Variants in ROBO2 observed in about 807,000 individuals in gnomAD.
ROBO2 encodes the protein roundabout homolog 2.
ROBO2 carries 53 observed loss-of-function variants against 160.8 expected under a neutral mutation model. The observed-to-expected ratio is 0.33, with a 90% CI of 0.26 to 0.41. The LOEUF (loss-of-function observed/expected upper bound fraction) is 0.41. Ranked by LOEUF, ROBO2 falls within the 10% of genes least tolerant of loss-of-function variation. The pLI, the probability that ROBO2 is intolerant of heterozygous loss-of-function variation, is 1.00. For missense variants in ROBO2, 1,577 were observed against 1,722.4 expected (o/e 0.92, Z 1.49); for synonymous variants, 664 against 611.7 (o/e 1.09, Z -1.26).
intron 2 of ROBO2, among the ~76,000 whole-genome samples, chr3:76,632,413 T>C (rs2090083672): frequency 6.6e-6 from 1 of 152,188 alleles, no homozygotes; most frequent in African/African-American, 2.4e-5. Flanking sequence ...TACCTGTTAA[T>C]GCATTTATCT....
chr3:76,027,461 A>G (rs2066782928), intron 2 of ROBO2, among the ~76,000 whole-genome samples: 1 of 151,846 alleles, frequency 6.6e-6, no homozygotes, highest in Non-Finnish European at 1.5e-5. Context: ...GGAAGTGAGC[A>G]AAAGGGGGCT....
Position 76,221,801 on chromosome 3 carries a change from A to G in ROBO2, c.109+284199A>G, listed in dbSNP as rs1443883655. On this transcript the variant is annotated intron_variant, in intron 2 of 26. Coordinates refer to the ROBO2 transcript ENST00000487694. ...GTTCCTTGATCAGAAGCAATGCTGT[A>G]TTTAATACTGTGCCTGTGGATAAGA... Among the ~76,000 whole-genome samples the G allele has an allele frequency of 3.2e-4, 48 of 152,070 alleles. 1 individual carries two copies. Among genetic ancestry groups the G allele is most frequent in the Admixed American group, 3.1e-3 (48 of 15,264 alleles).
intron 2 of ROBO2, among the ~76,000 whole-genome samples, chr3:76,184,484 G>T (rs2107126548): frequency 6.6e-6 from 1 of 152,104 alleles, no homozygotes; most frequent in African/African-American, 2.4e-5. Flanking sequence ...GGGAGAAGAT[G>T]CAAAACACAT....
intron 2 of ROBO2, among the ~76,000 whole-genome samples, chr3:76,494,574 T>G (rs2080033236): frequency 6.6e-6 from 1 of 152,156 alleles, no homozygotes; most frequent in Non-Finnish European, 1.5e-5. Context: ...CATTGTGGTA[T>G]AGGGAGGAGA....
intron 2 of ROBO2, among the ~76,000 whole-genome samples, chr3:75,942,237 A>G (rs1948091374): frequency 6.6e-6 from 1 of 152,140 alleles, no homozygotes; most frequent in Admixed American, 6.6e-5. Context: ...AAAAACCTTA[A>G]TGCTACCTAG....
At chr3:77,033,229 G>A (rs554352250) in intron 2 of ROBO2, among the ~76,000 whole-genome samples, 28 of 152,252 alleles carry the variant, frequency 1.8e-4, no homozygotes. Flanking sequence ...CCTTATTTAG[G>A]AAGCCATTCA....
intron 2 of ROBO2, among the ~76,000 whole-genome samples, chr3:76,266,005 A>T (rs1707079264): frequency 6.6e-6 from 1 of 152,196 alleles, no homozygotes; most frequent in Non-Finnish European, 1.5e-5. Flanking sequence ...AGAAAACTAA[A>T]TATAAGATGC....
chr3:76,513,497 A>G lies in ROBO2; in HGVS notation c.109+575895A>G, dbSNP rs1363706084. ...TCAGCCCCCTGAGCAGCTGGTCTAC[A>G]GGCTCACACCACCACGCCTGGCGTG... On this transcript the variant is annotated intron_variant, in intron 2 of 26. Transcript: ENST00000487694. Among the ~76,000 whole-genome samples the G allele has an allele frequency of 3.3e-5, 5 of 152,236 alleles. No individual in the cohort carries two copies. The East Asian group carries it at 9.7e-4, about 30-fold the overall frequency.
chr3:76,976,621 C>A (rs894145702), intron 2 of ROBO2, among the ~76,000 whole-genome samples: 1 of 152,186 alleles, frequency 6.6e-6, no homozygotes, highest in African/African-American at 2.4e-5. Context: ...CAGCCCACAG[C>A]AGGACACATA....
intron 2 of ROBO2, among the ~76,000 whole-genome samples, chr3:76,701,034 A>C (rs2093035438): frequency 6.6e-6 from 1 of 152,098 alleles, no homozygotes; most frequent in African/African-American, 2.4e-5. Flanking sequence ...CATAAGAAAG[A>C]TACCTAGTGG....
chr3:76,439,104 G>C (rs757308344), intron 2 of ROBO2, among the ~76,000 whole-genome samples: 4 of 152,022 alleles, frequency 2.6e-5, no homozygotes, highest in Non-Finnish European at 4.4e-5. Context: ...GTAACTAGTG[G>C]GAACCACCAT....
intron 2 of ROBO2, among the ~76,000 whole-genome samples, chr3:77,120,220 G>A (rs1318395781): frequency 6.6e-6 from 1 of 152,162 alleles, no homozygotes; most frequent in East Asian, 1.9e-4. Flanking sequence ...TGTCCGGCAT[G>A]AACATTTGTC....
intron 4 of ROBO2, among the ~76,000 whole-genome samples, chr3:77,488,077 A>T (rs1420210616): frequency 1.3e-5 from 2 of 152,164 alleles, no homozygotes; most frequent in African/African-American, 4.8e-5. Flanking sequence ...ACATAACTAC[A>T]AGAGACTTGG....
chr3:76,349,846 A>G (rs2074764684), intron 2 of ROBO2, among the ~76,000 whole-genome samples: 2 of 152,024 alleles, frequency 1.3e-5, no homozygotes, highest in African/African-American at 2.4e-5. Context: ...ACCTGCATAT[A>G]TGGTGGATTG....
At chr3:76,285,308 G>T (rs1708453975) in intron 2 of ROBO2, among the ~76,000 whole-genome samples, 1 of 151,942 alleles carries the variant, frequency 6.6e-6, no homozygotes, top group Non-Finnish European at 1.5e-5. Context: ...CAAACAACTA[G>T]TTATAAGCTT....
intron 24 of ROBO2, among the ~76,000 whole-genome samples, chr3:77,637,863 G>A (rs966394400): frequency 1.3e-5 from 2 of 151,986 alleles, no homozygotes; most frequent in Non-Finnish European, 2.9e-5. Flanking sequence ...TTTCCTTAAA[G>A]CAAGCTACCT....
At chr3:76,932,266 TTA>T (rs2077396383) in intron 2 of ROBO2, among the ~76,000 whole-genome samples, 1 of 152,152 alleles carries the variant, frequency 6.6e-6, no homozygotes, top group South Asian at 2.1e-4. Flanking sequence ...ATTCATTTAT[TTA>T]TATATGTTCA....
intron 2 of ROBO2, among the ~76,000 whole-genome samples, chr3:76,481,731 G>C (rs1399445803): frequency 6.6e-6 from 1 of 152,076 alleles, no homozygotes; most frequent in Non-Finnish European, 1.5e-5. Context: ...AGATGATTCT[G>C]ATGTGGGTTT....
intron 2 of ROBO2, among the ~76,000 whole-genome samples, chr3:77,415,619 C>T (rs1458574670): frequency 2.0e-5 from 3 of 152,174 alleles, no homozygotes; most frequent in Non-Finnish European, 4.4e-5. Context: ...GTGGGCTGCA[C>T]TCAGCTTGCA....
Sources: allele counts gnomAD v4.1 joint callset (sites outside exome capture counted in the v4.1 genomes callset), GRCh38; gene constraint gnomAD v4.1.1; transcripts MANE v1.5; gene names NCBI Gene and HGNC (gene_info 2026-07-23, HGNC 2026-07-21).